RHBDF2: variants seen among roughly 807,000 people sequenced by gnomAD.
RHBDF2 encodes the protein inactive rhomboid protein 2.
Under a neutral mutation model 95.2 loss-of-function variants are expected in RHBDF2, and 38 were observed. The observed-to-expected ratio is 0.40, with a 90% CI of 0.31 to 0.52. The LOEUF (loss-of-function observed/expected upper bound fraction) is 0.52. Ranked by LOEUF, RHBDF2 falls within the 20% of genes least tolerant of loss-of-function variation. The probability of loss-of-function intolerance (pLI) is 0.56; values close to 1 mark genes in which losing one functional copy is unlikely to be tolerated. For missense variants in RHBDF2, 863 were observed against 1,137.7 expected, an observed-to-expected ratio of 0.76 and a Z score of 3.47; for synonymous variants, 442 against 462.0, an observed-to-expected ratio of 0.96 and a Z score of 0.55.
At chr17:76,484,241 C>T (rs2074055627) in intron 2 of RHBDF2, among the ~76,000 whole-genome samples, 1 of 151,936 alleles carries the variant, frequency 6.6e-6, no homozygotes, top group Admixed American at 6.6e-5. Flanking sequence ...CCAGCCTGGG[C>T]AACAAGAGCG....
intron 2 of RHBDF2, among the ~76,000 whole-genome samples, chr17:76,484,714 C>T (rs1300797635): frequency 6.6e-6 from 1 of 152,210 alleles, no homozygotes; most frequent in Non-Finnish European, 1.5e-5. Context: ...CTCACTGGGA[C>T]TTCCAGGACC....
At chr17:76,491,156 C>T (rs572085199) in intron 1 of RHBDF2, among the ~76,000 whole-genome samples, 11 of 152,132 alleles carry the variant, frequency 7.2e-5, no homozygotes, top group Admixed American at 3.3e-4. Context: ...GGATGGAGGA[C>T]GCTGCATGCT....
chr17:76,481,607 G>A, intron 2 of RHBDF2, 62 bp from the exon 3 acceptor site: 2 of 1,456,992 alleles, frequency 1.4e-6, no homozygotes, highest in East Asian at 4.7e-5. Context: ...TCAGGACCCT[G>A]ACGCCAGGGC....
intron 2 of RHBDF2, among the ~76,000 whole-genome samples, chr17:76,484,726 C>T (rs914664526): frequency 6.6e-5 from 10 of 152,188 alleles, no homozygotes; most frequent in African/African-American, 2.2e-4. Context: ...TCCAGGACCT[C>T]TCTTCGTCTC....
chr17:76,482,382 G>A (rs1432174262), intron 2 of RHBDF2, among the ~76,000 whole-genome samples: 1 of 152,100 alleles, frequency 6.6e-6, no homozygotes, highest in East Asian at 1.9e-4. Context: ...AGGCTGGTCT[G>A]GAACTCCTGG....
chr17:76,480,007 A>ATGTGTGTGTGTGTG (rs138608987), intron 3 of RHBDF2, 153 bp from the exon 4 acceptor site: 5 of 307,348 alleles, frequency 1.6e-5, no homozygotes, highest in African/African-American at 3.4e-5. Context: ...TATATATATA[A>ATGTGTGTGTGTGTG]TGTGTGTGTG....
At chr17:76,476,733 G>C (rs2073782982) in intron 9 of RHBDF2, 97 bp downstream of exon 9, 3 of 1,450,638 alleles carry the variant, frequency 2.1e-6, no homozygotes, top group Non-Finnish European at 2.7e-6. Flanking sequence ...AGATGCTCAT[G>C]AAACACTTGC....
chr17:76,477,308 G>T lies in RHBDF2; in HGVS notation c.802-10C>A. ...TGGAGCTCATTTCTTCCTGGGGTGG[G>T]GGACAAGAAAATACAGTGTAAGGAG... On this transcript the variant is annotated splice_polypyrimidine_tract_variant and intron_variant, in intron 7 of 18. Coordinates refer to ENST00000675367, the MANE Select transcript of RHBDF2 (RefSeq NM_001005498.4). 1 of 1,610,348 alleles carries T rather than the reference G, an allele frequency of 6.2e-7. No homozygotes were observed. Among genetic ancestry groups the T allele is most frequent in the Non-Finnish European group, 8.5e-7 (1 of 1,178,766 alleles).
At chr17:76,491,543 C>A (rs2074300510) in intron 1 of RHBDF2, among the ~76,000 whole-genome samples, 1 of 152,222 alleles carries the variant, frequency 6.6e-6, no homozygotes. Flanking sequence ...GCCATCTGAA[C>A]CGCAGAGCAC....
Position 76,472,719 on chromosome 17 carries a change from G to A in RHBDF2, c.2031C>T (p.Leu677=), listed in dbSNP as rs1256631778. 7.4e-6 allele frequency: 12 copies of A among 1,613,982 alleles called. No individual in the cohort carries two copies. Among genetic ancestry groups the A allele is most frequent in the African/African-American group, 6.7e-5 (5 of 74,938 alleles). The part of the protein sequence containing the change: ...IFILSGITGN[L]ASAIFLPYRA... ...GGTATGGGAGAAAGATGGCACTGGC[G>A]AGGTTGCCTGTGATGCCACTGAGGA... Residue 677 remains leucine (L), a synonymous_variant, in exon 18 of 19, where the codon CTC becomes CTT. Coordinates refer to ENST00000675367, the MANE Select transcript of RHBDF2 (RefSeq NM_001005498.4).
chr17:76,496,699 A>G (rs1418785086), intron 1 of RHBDF2, among the ~76,000 whole-genome samples: 2 of 152,118 alleles, frequency 1.3e-5, no homozygotes, highest in Non-Finnish European at 2.9e-5. Context: ...CCAGGGTTCA[A>G]AGTCCTGTTC....
intron 1 of RHBDF2, chr17:76,500,994 C>A (rs1001351172): frequency 6.6e-6 from 1 of 152,320 alleles, no homozygotes; most frequent in Non-Finnish European, 1.5e-5. Flanking sequence ...GGGACGCAGG[C>A]GGGACTGCCC....
At chr17:76,498,838 CTGTGTGTT>C (rs2074502680) in intron 1 of RHBDF2, among the ~76,000 whole-genome samples, 1 of 101,038 alleles carries the variant, frequency 9.9e-6, no homozygotes, top group Non-Finnish European at 2.2e-5. Flanking sequence ...CTGTGTGTGT[CTGTGTGTT>C]TGTGTGTGTC....
chr17:76,478,037 G>A (rs2073830193), intron 6 of RHBDF2, among the ~76,000 whole-genome samples: 1 of 152,166 alleles, frequency 6.6e-6, no homozygotes, highest in African/African-American at 2.4e-5. Context: ...CCTTTCCCTT[G>A]GTCCCTGCTG....
intron 6 of RHBDF2, 45 bp downstream of exon 6, chr17:76,478,761 G>A (rs924570951): frequency 5.9e-6 from 9 of 1,530,912 alleles, no homozygotes; most frequent in Non-Finnish European, 8.0e-6. Flanking sequence ...GGCAAGGAAG[G>A]GAGGCCGGGC....
intron 16 of RHBDF2, 39 bp downstream of exon 16, chr17:76,473,213 C>A (rs754532405): frequency 4.4e-6 from 7 of 1,599,042 alleles, no homozygotes; most frequent in Middle Eastern, 1.7e-4. Flanking sequence ...CCATGCCCAG[C>A]GTCCTCTCCT....
rs553827287 is a variant in RHBDF2 at position 76,474,636 on chromosome 17, C to T, written c.1302+94G>A. Reference sequence around the variant, plus strand: ...CCGCAGAGTCTCCCCTGATGAGGGGCCTGCGGGTGGGTGAGGAGCCCACCT... The same window carrying T: ...CCGCAGAGTCTCCCCTGATGAGGGGTCTGCGGGTGGGTGAGGAGCCCACCT... On this transcript the variant is annotated intron_variant, in intron 11 of 18. Transcript: ENST00000675367. 246 of 1,611,642 alleles carry T rather than the reference C, an allele frequency of 1.5e-4. No homozygotes were observed. The African/African-American group carries it at 2.9e-3, about 19-fold the overall frequency.
At chr17:76,497,620 C>T (rs759541950) in intron 1 of RHBDF2, among the ~76,000 whole-genome samples, 39 of 152,228 alleles carry the variant, frequency 2.6e-4, no homozygotes, top group Non-Finnish European at 4.7e-4. Context: ...CGATGGCTCC[C>T]CGCACTGCTC....
At chr17:76,491,798 G>A (rs892644689) in intron 1 of RHBDF2, among the ~76,000 whole-genome samples, 2 of 152,198 alleles carry the variant, frequency 1.3e-5, no homozygotes, top group African/African-American at 2.4e-5. Flanking sequence ...GAAAGGAGTG[G>A]GGACTGTCAG....
Sources: gnomAD v4.1 joint callset for allele counts (sites outside exome capture counted in the v4.1 genomes callset) on GRCh38, gnomAD v4.1.1 for gene constraint, MANE v1.5 for transcripts, NCBI Gene and HGNC (gene_info 2026-07-23, HGNC 2026-07-21) for gene names.